Variants in PTGR3 observed in about 807,000 individuals in gnomAD.
PTGR3 encodes zinc binding alcohol dehydrogenase domain containing 2.
At chr18:75,208,920 C>T in the PTGR3 span, 1 of 1,581,230 alleles carries the variant, frequency 6.3e-7, no homozygotes, top group Non-Finnish European at 8.6e-7. Flanking sequence ...GTGACGGCCT[C>T]GCGGAAGTTG....
the PTGR3 span, among the ~76,000 whole-genome samples, chr18:75,203,857 T>C: frequency 1.3e-5 from 2 of 152,232 alleles, no homozygotes; most frequent in Admixed American, 1.3e-4. Flanking sequence ...CCCACTTCCC[T>C]GGGAGCTTGC....
At chr18:75,205,248 C>T in the PTGR3 span, 2 of 985,632 alleles carry the variant, frequency 2.0e-6, no homozygotes, top group Non-Finnish European at 2.4e-6. Flanking sequence ...CAAGTTCAAG[C>T]GCAGCAGGCG....
chr18:75,201,758 C>A, the PTGR3 span: 2 of 1,614,218 alleles, frequency 1.2e-6, no homozygotes, highest in South Asian at 1.1e-5. Flanking sequence ...CTATCAAGCG[C>A]CCTTTCGTAG....
chr18:75,208,887 G>T, the PTGR3 span: 1 of 1,554,072 alleles, frequency 6.4e-7, no homozygotes, highest in Non-Finnish European at 8.7e-7. Flanking sequence ...CCGGGGAGCG[G>T]CACCGGGCAG....
the PTGR3 span, chr18:75,208,722 C>G: frequency 9.9e-7 from 1 of 1,008,446 alleles, no homozygotes; most frequent in Non-Finnish European, 1.3e-6. Flanking sequence ...CTCGCAAACT[C>G]AGGCTGTGCG....
chr18:75,202,026 T>C, the PTGR3 span: 1 of 1,614,116 alleles, frequency 6.2e-7, no homozygotes, highest in Non-Finnish European at 8.5e-7. Context: ...CACCAAAACT[T>C]TTTTCCCTTC....
chr18:75,206,935 C>T, the PTGR3 span, among the ~76,000 whole-genome samples: 1 of 152,222 alleles, frequency 6.6e-6, no homozygotes, highest in African/African-American at 2.4e-5. Context: ...CAGGCAGTGC[C>T]TAGGCACCCT....
At chr18:75,208,942 G>T in the PTGR3 span, 5 of 1,591,216 alleles carry the variant, frequency 3.1e-6, no homozygotes, top group Non-Finnish European at 4.3e-6. Flanking sequence ...GGCTCAGCCG[G>T]GTCACCACCA....
the PTGR3 span, among the ~76,000 whole-genome samples, chr18:75,208,010 A>C: frequency 6.6e-6 from 1 of 152,330 alleles, no homozygotes; most frequent in African/African-American, 2.4e-5. Flanking sequence ...CAAAGACCTA[A>C]GCGGGCATGG....
At chr18:75,208,770 T>G in the PTGR3 span, 5 of 1,260,086 alleles carry the variant, frequency 4.0e-6, no homozygotes, top group East Asian at 1.7e-4. Flanking sequence ...GCGGGCGGGC[T>G]GGGGACTGCG....
chr18:75,199,763 T>C, the PTGR3 span: 3 of 152,664 alleles, frequency 2.0e-5, no homozygotes, highest in African/African-American at 7.2e-5. Context: ...ACAGTGGCAA[T>C]AGCCTCTAGT....
chr18:75,209,017 G>C, the PTGR3 span: 8 of 1,581,320 alleles, frequency 5.1e-6, no homozygotes, highest in Non-Finnish European at 6.9e-6. The surrounding 1 kb of genome is among the most constrained non-coding windows in gnomAD (Gnocchi z 4.7). Context: ...CGTACGACAT[G>C]TCCACGATGG....
the PTGR3 span, chr18:75,202,177 C>T: frequency 6.2e-7 from 1 of 1,614,112 alleles, no homozygotes; most frequent in Non-Finnish European, 8.5e-7. Context: ...GAACCAGGTG[C>T]CATGTAAGCC....
chr18:75,208,741 C>T, the PTGR3 span: 1 of 1,086,178 alleles, frequency 9.2e-7, no homozygotes, highest in Non-Finnish European at 1.2e-6. Flanking sequence ...CGCCCGAGCG[C>T]GCGCCGGAGT....
the PTGR3 span, among the ~76,000 whole-genome samples, chr18:75,203,762 A>G: frequency 6.6e-6 from 1 of 151,418 alleles, no homozygotes; most frequent in Non-Finnish European, 1.5e-5. Flanking sequence ...TTTTTTTCCT[A>G]CATTCTATTT....
At chr18:75,208,728 G>T in the PTGR3 span, 1 of 1,024,696 alleles carries the variant, frequency 9.8e-7, no homozygotes. Flanking sequence ...AACTCAGGCT[G>T]TGCGCCCGAG....
chr18:75,207,745 G>A, the PTGR3 span, among the ~76,000 whole-genome samples: 1 of 152,048 alleles, frequency 6.6e-6, no homozygotes, highest in Non-Finnish European at 1.5e-5. Context: ...TCTCGAAAAT[G>A]GACAAATTAA....
the PTGR3 span, chr18:75,202,108 G>A: frequency 1.2e-6 from 2 of 1,613,986 alleles, no homozygotes; most frequent in Non-Finnish European, 1.7e-6. Context: ...AGATACTCGG[G>A]TTTCACTGAG....
the PTGR3 span, chr18:75,201,640 A>C: frequency 6.2e-7 from 1 of 1,614,238 alleles, no homozygotes; most frequent in East Asian, 2.2e-5. Flanking sequence ...TGGTTCAGGA[A>C]GAAGCCCTGT....
Sources: gnomAD v4.1 joint callset for allele counts (sites outside exome capture counted in the v4.1 genomes callset) on GRCh38, gnomAD v4.1.1 for gene constraint, Gnocchi (gnomAD v3.1) non-coding constraint, MANE v1.5 for transcripts, NCBI Gene and HGNC (gene_info 2026-07-23, HGNC 2026-07-21) for gene names.